The following APBB1IP variants were observed in gnomAD, a reference collection of about 807,000 sequenced individuals.
APBB1IP encodes the protein amyloid beta precursor protein binding family B member 1 interacting protein.
Under a neutral mutation model 64.9 loss-of-function variants are expected in APBB1IP, and 27 were observed. That is an observed-to-expected ratio of 0.42 (90% confidence interval 0.31 to 0.57). APBB1IP has a LOEUF of 0.57. Among genes scored for constraint, APBB1IP ranks in the 20% least tolerant of loss-of-function variants. The probability of loss-of-function intolerance (pLI) is 0.20; values close to 1 mark genes in which losing one functional copy is unlikely to be tolerated. For missense variants in APBB1IP, 812 were observed against 845.5 expected (o/e 0.96, Z 0.49); for synonymous variants, 392 against 331.0 (o/e 1.18, Z -2.00).
At chr10:26,467,162 T>C (rs1420000065) in intron 2 of APBB1IP, among the ~76,000 whole-genome samples, 1 of 152,148 alleles carries the variant, frequency 6.6e-6, no homozygotes, top group Non-Finnish European at 1.5e-5. Flanking sequence ...TGCCTTGGCC[T>C]CCCAAAGTAC....
intron 2 of APBB1IP, among the ~76,000 whole-genome samples, chr10:26,483,708 A>T (rs570548508): frequency 4.6e-5 from 7 of 152,084 alleles, no homozygotes; most frequent in African/African-American, 1.7e-4. Flanking sequence ...CTGTTGTTTC[A>T]TTTTTTTATC....
chr10:26,484,895 C>T (rs1237255136), intron 2 of APBB1IP, among the ~76,000 whole-genome samples: 1 of 152,068 alleles, frequency 6.6e-6, no homozygotes, highest in Non-Finnish European at 1.5e-5. Context: ...AGATAGAAAA[C>T]ATAAAGTGTT....
At chr10:26,447,535 T>C (rs1835415591) in intron 2 of APBB1IP, among the ~76,000 whole-genome samples, 3 of 151,998 alleles carry the variant, frequency 2.0e-5, no homozygotes, top group Admixed American at 2.0e-4. Context: ...ATAGAATGAG[T>C]AATATTCAGA....
intron 2 of APBB1IP, among the ~76,000 whole-genome samples, chr10:26,440,539 A>G (rs4749127): frequency 0.39 from 59,024 of 152,034 alleles, 11,647 homozygotes; most frequent in South Asian, 0.49. Context: ...CTTATTTGAA[A>G]ACTGAGATAA....
At chr10:26,483,424 C>T (rs971677770) in intron 2 of APBB1IP, among the ~76,000 whole-genome samples, 3 of 152,120 alleles carry the variant, frequency 2.0e-5, no homozygotes, top group Non-Finnish European at 2.9e-5. Context: ...AGTCAATGCA[C>T]GTAACGCACC....
intron 8 of APBB1IP, among the ~76,000 whole-genome samples, chr10:26,518,537 T>C (rs1288996165): frequency 6.6e-6 from 1 of 152,198 alleles, no homozygotes; most frequent in Admixed American, 6.5e-5. Context: ...CCCATTAACA[T>C]TGTATGAGAA....
intron 11 of APBB1IP, among the ~76,000 whole-genome samples, chr10:26,545,702 G>A (rs1316437963): frequency 6.6e-6 from 1 of 151,756 alleles, no homozygotes; most frequent in Admixed American, 6.5e-5. Context: ...GGAGCTTGCA[G>A]TGAGCCGAGA....
intron 8 of APBB1IP, among the ~76,000 whole-genome samples, chr10:26,514,358 G>A (rs1836298466): frequency 6.6e-6 from 1 of 151,964 alleles, no homozygotes; most frequent in African/African-American, 2.4e-5. Context: ...TTTGTATTTG[G>A]TGCTTATATT....
intron 11 of APBB1IP, 24 bp downstream of exon 11, chr10:26,541,716 T>G: frequency 6.7e-7 from 1 of 1,502,370 alleles, no homozygotes; most frequent in South Asian, 1.2e-5. Context: ...AGTCATTCAT[T>G]TAGATTTATA....
intron 14 of APBB1IP, 146 bp from the exon 15 acceptor site, chr10:26,566,815 G>C (rs1837050444): frequency 1.2e-6 from 1 of 852,234 alleles, no homozygotes; most frequent in Non-Finnish European, 1.7e-6. Context: ...TTGAGCTCGG[G>C]AGGTCGAGGC....
rs1446431245 is a variant in APBB1IP at position 26,496,402 on chromosome 10, C to T, written c.160+11C>T. 6.3e-7 allele frequency: 1 copy of T among 1,586,636 alleles called. No homozygotes were observed. The highest frequency in any genetic ancestry group is 1.3e-5 in the African/African-American group (1 of 74,318). Reference sequence around the variant, plus strand: ...TTAAAGATTTAAATGGTAAGCATAACAATTTCTTTTCTTAAGTAATTCAAA... The same window carrying T: ...TTAAAGATTTAAATGGTAAGCATAATAATTTCTTTTCTTAAGTAATTCAAA... On this transcript the variant is annotated intron_variant, in intron 4 of 14. Coordinates refer to ENST00000376236, the MANE Select transcript of APBB1IP (RefSeq NM_019043.4).
intron 8 of APBB1IP, among the ~76,000 whole-genome samples, chr10:26,513,950 G>A (rs1263586547): frequency 6.6e-6 from 1 of 152,088 alleles, no homozygotes. Flanking sequence ...TGGCCAGGAT[G>A]GTCTTGATCT....
At chr10:26,522,698 T>C (rs1836418028) in intron 8 of APBB1IP, among the ~76,000 whole-genome samples, 1 of 152,074 alleles carries the variant, frequency 6.6e-6, no homozygotes. Flanking sequence ...TTATTATAAA[T>C]GTTGATATTA....
At chr10:26,464,745 C>T (rs1835629618) in intron 2 of APBB1IP, among the ~76,000 whole-genome samples, 1 of 152,158 alleles carries the variant, frequency 6.6e-6, no homozygotes, top group Non-Finnish European at 1.5e-5. Context: ...CCCTGTTTTA[C>T]AGATGAAAAA....
At chr10:26,442,781 T>C (rs914189601) in intron 2 of APBB1IP, among the ~76,000 whole-genome samples, 5 of 152,226 alleles carry the variant, frequency 3.3e-5, no homozygotes, top group African/African-American at 1.2e-4. Context: ...TTTCCTGGTC[T>C]CCTTCCAATA....
At chr10:26,508,621 A>G (rs1250913173) in intron 6 of APBB1IP, among the ~76,000 whole-genome samples, 1 of 151,398 alleles carries the variant, frequency 6.6e-6, no homozygotes. Context: ...ACTAAATCAC[A>G]TAACTGTGAT....
At chr10:26,537,998 C>A (rs1836649644) in intron 10 of APBB1IP, among the ~76,000 whole-genome samples, 1 of 149,754 alleles carries the variant, frequency 6.7e-6, no homozygotes, top group Non-Finnish European at 1.5e-5. Flanking sequence ...CTCACTGTTA[C>A]CATTAACACG....
chr10:26,468,534 G>A (rs992667134), intron 2 of APBB1IP, among the ~76,000 whole-genome samples: 1 of 152,216 alleles, frequency 6.6e-6, no homozygotes, highest in African/African-American at 2.4e-5. Context: ...TGATTGTTAT[G>A]TGTATATGTT....
chr10:26,515,603 C>G (rs1178574104), intron 8 of APBB1IP, among the ~76,000 whole-genome samples: 4 of 152,324 alleles, frequency 2.6e-5, no homozygotes, highest in East Asian at 3.9e-4. Context: ...CCATGAGGCA[C>G]CTTTCCCCTT....
Sources: allele counts gnomAD v4.1 joint callset (sites outside exome capture counted in the v4.1 genomes callset), GRCh38; gene constraint gnomAD v4.1.1; transcripts MANE v1.5; gene names NCBI Gene and HGNC (gene_info 2026-07-23, HGNC 2026-07-21).